The following TENM3 variants were observed in gnomAD, a reference collection of about 807,000 sequenced individuals.
The protein encoded by TENM3 is teneurin transmembrane protein 3.
A neutral mutation model predicts 255.1 loss-of-function variants in TENM3; 63 were observed. The observed-to-expected ratio is 0.25, with a 90% confidence interval of 0.20 to 0.30. The LOEUF (loss-of-function observed/expected upper bound fraction) is 0.30. Among genes scored for constraint, TENM3 ranks in the 10% least tolerant of loss-of-function variants. The pLI is 1.00. For missense variants in TENM3, 2,929 were observed against 3,461.1 expected, an observed-to-expected ratio of 0.85 and a Z score of 3.86; for synonymous variants, 1,306 against 1,322.3, an observed-to-expected ratio of 0.99 and a Z score of 0.27.
intron 1 of TENM3, among the ~76,000 whole-genome samples, chr4:182,196,457 A>G (rs1461659264): frequency 6.6e-6 from 1 of 152,174 alleles, no homozygotes; most frequent in Non-Finnish European, 1.5e-5. Context: ...TGAGCCAAGT[A>G]GGAAGGGTAA....
rs1257620473 is a variant in TENM3, at chr4:182,593,903, A to T, written c.512-7021A>T. Among the ~76,000 whole-genome samples, 3 of 152,300 alleles carry T rather than the reference A, an allele frequency of 2.0e-5. No individual in the cohort carries two copies. The East Asian group carries it at 5.8e-4, about 29-fold the overall frequency. On this transcript the variant is annotated intron_variant, in intron 3 of 27. Transcript: ENST00000511685. Reference sequence around the variant, plus strand: ...CCTGAAGACCACAGCCCAAGGCTGTAAACCAGGGAGGAGCTGGAGCTGAGT... The same window carrying T: ...CCTGAAGACCACAGCCCAAGGCTGTTAACCAGGGAGGAGCTGGAGCTGAGT...
chr4:181,919,111 G>T, the TENM3 span, among the ~76,000 whole-genome samples: 1 of 152,142 alleles, frequency 6.6e-6, no homozygotes, highest in Non-Finnish European at 1.5e-5. Flanking sequence ...GAATTCCTTC[G>T]GGAAGTTGTT....
At chr4:181,727,620 T>C in the TENM3 span, among the ~76,000 whole-genome samples, 1 of 152,224 alleles carries the variant, frequency 6.6e-6, no homozygotes, top group African/African-American at 2.4e-5. Context: ...TTTAGAATAT[T>C]AGGGCAAGAT....
intron 6 of TENM3, 54 bp downstream of exon 6, chr4:182,653,947 A>G (rs1581223347): frequency 6.6e-7 from 1 of 1,517,550 alleles, no homozygotes; most frequent in Non-Finnish European, 8.9e-7. Context: ...CCTTTTCCAT[A>G]AATTTATTTT....
intron 24 of TENM3, among the ~76,000 whole-genome samples, chr4:182,779,767 G>T (rs1282851746): frequency 6.6e-6 from 1 of 152,158 alleles, no homozygotes; most frequent in Non-Finnish European, 1.5e-5. Context: ...AGTGTGAGAT[G>T]GTATCTCATT....
At chr4:182,078,428 AG>A in the TENM3 span, among the ~76,000 whole-genome samples, 1 of 152,046 alleles carries the variant, frequency 6.6e-6, no homozygotes, top group Non-Finnish European at 1.5e-5. Context: ...AGGCTGAGGC[AG>A]GGGAATCGCT....
chr4:182,326,839 A>T (rs969738777), intron 2 of TENM3, among the ~76,000 whole-genome samples: 1 of 152,176 alleles, frequency 6.6e-6, no homozygotes, highest in Non-Finnish European at 1.5e-5. Context: ...CACCACGCCC[A>T]GCCCATTTTA....
the TENM3 span, among the ~76,000 whole-genome samples, chr4:181,477,935 A>G: frequency 6.6e-6 from 1 of 152,230 alleles, no homozygotes; most frequent in African/African-American, 2.4e-5. Flanking sequence ...TGTCCTTCAC[A>G]GAAAGACAGG....
chr4:181,950,968 G>A, the TENM3 span, among the ~76,000 whole-genome samples: 1 of 152,178 alleles, frequency 6.6e-6, no homozygotes, highest in East Asian at 1.9e-4. Context: ...CTTGAGCCCA[G>A]GAGGTGGAAG....
intron 3 of TENM3, among the ~76,000 whole-genome samples, chr4:182,380,906 T>C (rs1878221): frequency 0.9 from 137,445 of 152,232 alleles, 62,513 homozygotes; most frequent in African/African-American, 0.96. Flanking sequence ...TTTGCCTTCC[T>C]GACCTCATAT....
At chr4:182,149,591 C>T (rs1320467382) in intron 1 of TENM3, among the ~76,000 whole-genome samples, 2 of 151,952 alleles carry the variant, frequency 1.3e-5, no homozygotes, top group East Asian at 3.9e-4. Flanking sequence ...GATTTTACTT[C>T]CCTGTTGATA....
chr4:181,658,384 G>A, the TENM3 span, among the ~76,000 whole-genome samples: 2 of 152,062 alleles, frequency 1.3e-5, no homozygotes, highest in Admixed American at 1.3e-4. Flanking sequence ...TATATTTGAG[G>A]GTTGAGGAAG....
chr4:182,416,953 G>A (rs1770408855), intron 3 of TENM3, among the ~76,000 whole-genome samples: 1 of 152,010 alleles, frequency 6.6e-6, no homozygotes, highest in Non-Finnish European at 1.5e-5. Context: ...AATCTAAGGT[G>A]GTCAATTTAC....
At chr4:182,020,039 G>A in the TENM3 span, among the ~76,000 whole-genome samples, 98 of 152,040 alleles carry the variant, frequency 6.4e-4, no homozygotes, top group African/African-American at 2.2e-3. Flanking sequence ...AACTGCTTTG[G>A]GAATAGCTTT....
intron 3 of TENM3, among the ~76,000 whole-genome samples, chr4:182,371,965 CTGTT>C (rs906243411): frequency 6.6e-6 from 1 of 152,190 alleles, no homozygotes; most frequent in Non-Finnish European, 1.5e-5. Flanking sequence ...TAATGAAAGG[CTGTT>C]CCACGAACCT....
intron 24 of TENM3, 74 bp downstream of exon 24, chr4:182,775,227 G>A (rs374859576): frequency 3.3e-5 from 45 of 1,352,644 alleles, no homozygotes; most frequent in East Asian, 7.0e-5. Context: ...GGCAGGTTGC[G>A]TCTCCTGCTC....
chr4:182,116,944 C>T, the TENM3 span, among the ~76,000 whole-genome samples: 12 of 152,312 alleles, frequency 7.9e-5, no homozygotes, highest in Middle Eastern at 3.4e-3. Context: ...TCTACATTCT[C>T]ACCAGCATTT....
chr4:181,869,469 T>C, the TENM3 span, among the ~76,000 whole-genome samples: 5 of 152,060 alleles, frequency 3.3e-5, no homozygotes, highest in East Asian at 9.6e-4. Context: ...AGTTAGTGAG[T>C]TGCAAAGTTA....
chr4:182,191,967 C>T lies in TENM3; in HGVS notation c.-76+47213C>T, dbSNP rs577830592. ...ATAATTACCGTTTTAGAGCAAGATGCAGCAAAGTATGGTCCCCAGGTCAAA... is the reference window on the plus strand; with the variant it reads ...ATAATTACCGTTTTAGAGCAAGATGTAGCAAAGTATGGTCCCCAGGTCAAA... On this transcript the variant is annotated intron_variant, in intron 1 of 2. Coordinates refer to the TENM3 transcript ENST00000512480. Among the ~76,000 whole-genome samples, 11 of 152,294 alleles carry T rather than the reference C, an allele frequency of 7.2e-5. 1 individual carries two copies. In the South Asian group the frequency reaches 2.3e-3, roughly 32 times the overall value.
Sources: allele counts gnomAD v4.1 joint callset (sites outside exome capture counted in the v4.1 genomes callset), GRCh38; gene constraint gnomAD v4.1.1; transcripts MANE v1.5; gene names NCBI Gene and HGNC (gene_info 2026-07-23, HGNC 2026-07-21).